The following HS3ST4 variants were observed in gnomAD, a reference collection of about 807,000 sequenced individuals.
The protein encoded by HS3ST4 is heparan sulfate-glucosamine 3-sulfotransferase 4.
In HS3ST4, 17 loss-of-function variants were observed where a neutral mutation model predicts 29.2. The observed-to-expected ratio is 0.58, with a 90% confidence interval of 0.40 to 0.87. HS3ST4 has a LOEUF of 0.87. Ranked by LOEUF, HS3ST4 falls within the 40% of genes least tolerant of loss-of-function variation. The pLI is 0.00. For missense variants in HS3ST4, 627 were observed against 634.5 expected (o/e 0.99, Z 0.13); for synonymous variants, 314 against 285.7 (o/e 1.10, Z -1.00).
chr16:26,108,004 T>A (rs1488808827), intron 1 of HS3ST4, among the ~76,000 whole-genome samples: 10 of 152,154 alleles, frequency 6.6e-5, no homozygotes, highest in Admixed American at 6.5e-4. Flanking sequence ...CTATGGAAAA[T>A]AGAGGTTTTC....
At chr16:25,888,977 A>T (rs1289565886) in intron 1 of HS3ST4, among the ~76,000 whole-genome samples, 1 of 152,208 alleles carries the variant, frequency 6.6e-6, no homozygotes, top group East Asian at 1.9e-4. Context: ...TCCTTTCAGA[A>T]CTGCTGACAC....
At chr16:25,732,372 A>T (rs1966575891) in intron 1 of HS3ST4, among the ~76,000 whole-genome samples, 1 of 152,164 alleles carries the variant, frequency 6.6e-6, no homozygotes, top group Non-Finnish European at 1.5e-5. Flanking sequence ...TGATATTCCC[A>T]TCTTGACTGG....
intron 1 of HS3ST4, among the ~76,000 whole-genome samples, chr16:25,778,795 GAGA>G (rs1056542815): frequency 6.6e-6 from 1 of 151,952 alleles, no homozygotes; most frequent in South Asian, 2.1e-4. Flanking sequence ...GAAGACGAAG[GAGA>G]AGAAGAAGAA....
At chr16:25,997,260 G>A (rs1969166162) in intron 1 of HS3ST4, among the ~76,000 whole-genome samples, 1 of 152,054 alleles carries the variant, frequency 6.6e-6, no homozygotes, top group Non-Finnish European at 1.5e-5. Context: ...CCTTTGCTTT[G>A]TTTCTGATTT....
At chr16:25,749,668 T>C (rs1466654463) in intron 1 of HS3ST4, among the ~76,000 whole-genome samples, 1 of 152,164 alleles carries the variant, frequency 6.6e-6, no homozygotes, top group African/African-American at 2.4e-5. Flanking sequence ...CAGTTTCCCA[T>C]TTGTAAAAGG....
intron 1 of HS3ST4, among the ~76,000 whole-genome samples, chr16:25,967,381 C>T (rs1353929272): frequency 6.6e-6 from 1 of 152,088 alleles, no homozygotes; most frequent in Non-Finnish European, 1.5e-5. Flanking sequence ...GTCTCATTCT[C>T]TTGACCTCGT....
intron 1 of HS3ST4, among the ~76,000 whole-genome samples, chr16:26,001,189 A>C (rs1969208880): frequency 6.6e-6 from 1 of 152,182 alleles, no homozygotes; most frequent in Non-Finnish European, 1.5e-5. Flanking sequence ...AATTTGAATC[A>C]ATATTAAATT....
chr16:25,893,508 G>A (rs1968030885), intron 1 of HS3ST4, among the ~76,000 whole-genome samples: 1 of 152,102 alleles, frequency 6.6e-6, no homozygotes, highest in South Asian at 2.1e-4. Context: ...AAATTCATGG[G>A]CCAGAGATGG....
At chr16:25,742,428 CA>C (rs1013923888) in intron 1 of HS3ST4, among the ~76,000 whole-genome samples, 2 of 152,234 alleles carry the variant, frequency 1.3e-5, no homozygotes, top group Admixed American at 1.3e-4. Context: ...CAACAGTGAT[CA>C]GGGGAATAGA....
At chr16:25,813,243 A>G (rs1017575847) in intron 1 of HS3ST4, among the ~76,000 whole-genome samples, 4 of 152,212 alleles carry the variant, frequency 2.6e-5, no homozygotes, top group Non-Finnish European at 5.9e-5. Context: ...ATGAGATACC[A>G]TTCTACAGCC....
rs149983507 is a variant in HS3ST4 at position 25,983,265 on chromosome 16, T to C, written c.735-152347T>C. ...AGCAACTTTTTCACTCTTGCCTAAG[T>C]GTGTCCAGGTTCCAGATTGAGGTAG... On this transcript the variant is annotated intron_variant, in intron 1 of 1. Transcript: ENST00000331351. Among the ~76,000 whole-genome samples the C allele has an allele frequency of 4.8e-3, 724 of 152,112 alleles. 9 individuals are homozygous for C. Among genetic ancestry groups the C allele is most frequent in the African/African-American group, 0.017 (691 of 41,558 alleles).
chr16:26,054,684 G>A (rs745945037), intron 1 of HS3ST4, among the ~76,000 whole-genome samples: 1 of 152,172 alleles, frequency 6.6e-6, no homozygotes, highest in South Asian at 2.1e-4. Flanking sequence ...ACCCCCATCA[G>A]GGTCCAGAGT....
intron 1 of HS3ST4, among the ~76,000 whole-genome samples, chr16:25,737,077 T>A: frequency 6.6e-6 from 1 of 152,076 alleles, no homozygotes; most frequent in East Asian, 1.9e-4. Context: ...TGGGGGTACA[T>A]ATGCAGGTTT....
intron 1 of HS3ST4, among the ~76,000 whole-genome samples, chr16:25,991,405 A>C (rs955342003): frequency 6.6e-6 from 1 of 152,156 alleles, no homozygotes; most frequent in Non-Finnish European, 1.5e-5. Context: ...AAAAAAAGAG[A>C]GTTCCTCATC....
intron 1 of HS3ST4, among the ~76,000 whole-genome samples, chr16:26,045,141 C>T (rs1219001587): frequency 6.6e-6 from 1 of 152,172 alleles, no homozygotes; most frequent in Non-Finnish European, 1.5e-5. Flanking sequence ...CATTTGCTTG[C>T]TCAGGGTCTA....
At chr16:25,981,062 G>A (rs757042294) in intron 1 of HS3ST4, among the ~76,000 whole-genome samples, 17 of 152,076 alleles carry the variant, frequency 1.1e-4, no homozygotes, top group Non-Finnish European at 2.2e-4. Context: ...GTTCCATAAA[G>A]AAGGTAGTTT....
chr16:26,103,623 T>G (rs1037304819), intron 1 of HS3ST4, among the ~76,000 whole-genome samples: 3 of 152,190 alleles, frequency 2.0e-5, no homozygotes, highest in South Asian at 2.1e-4. Context: ...TCTGGCTACT[T>G]TATTTGATCC....
intron 1 of HS3ST4, among the ~76,000 whole-genome samples, chr16:25,895,258 GTA>G (rs1452613239): frequency 6.6e-6 from 1 of 152,154 alleles, no homozygotes; most frequent in African/African-American, 2.4e-5. Context: ...GTGAGTTAAT[GTA>G]TGACCAGGTA....
intron 1 of HS3ST4, among the ~76,000 whole-genome samples, chr16:26,135,268 A>G (rs1033942045): frequency 1.3e-5 from 2 of 152,218 alleles, no homozygotes; most frequent in African/African-American, 4.8e-5. Flanking sequence ...CTACAGTGTG[A>G]AGTCAGTGCT....
Sources: allele counts gnomAD v4.1 joint callset (sites outside exome capture counted in the v4.1 genomes callset), GRCh38; gene constraint gnomAD v4.1.1; transcripts MANE v1.5; gene names NCBI Gene and HGNC (gene_info 2026-07-23, HGNC 2026-07-21).